HDAC1: variants seen among roughly 807,000 people sequenced by gnomAD.
HDAC1 encodes the protein protein deacetylase HDAC1.
Under a neutral mutation model 65.5 loss-of-function variants are expected in HDAC1, and 18 were observed. The observed-to-expected ratio is 0.27, with a 90% confidence interval of 0.19 to 0.41. HDAC1 has a LOEUF of 0.41. Among genes scored for constraint, HDAC1 ranks in the 10% least tolerant of loss-of-function variants. The pLI is 1.00. For missense variants in HDAC1, 373 were observed against 625.2 expected (o/e 0.60, Z 4.30); for synonymous variants, 211 against 227.9 (o/e 0.93, Z 0.67).
intron 6 of HDAC1, among the ~76,000 whole-genome samples, chr1:32,328,137 C>T (rs988965631): frequency 6.6e-6 from 1 of 152,120 alleles, no homozygotes; most frequent in African/African-American, 2.4e-5. Context: ...TACTGAAGCC[C>T]ATCCATGAAC....
At chr1:32,296,187 T>G (rs147331193) in intron 1 of HDAC1, among the ~76,000 whole-genome samples, 3,282 of 152,218 alleles carry the variant, frequency 0.022, 59 homozygotes, top group Non-Finnish European at 0.03. Context: ...AATAAATATT[T>G]GTTGATTAAA....
At chr1:32,292,563 T>G (rs1437654102) in intron 1 of HDAC1, 5 of 460,620 alleles carry the variant, frequency 1.1e-5, no homozygotes, top group Non-Finnish European at 1.1e-5. Flanking sequence ...ATACATTTTC[T>G]TGCCGAGAAC....
Position 32,292,138 on chromosome 1 carries a change from C to T in HDAC1, c.-32C>T, listed in dbSNP as rs981845074. On this transcript the variant is annotated 5_prime_UTR_variant, in exon 1 of 14. Transcript: ENST00000373548. Reference sequence around the variant, plus strand: ...AGCCGCGGGCGGGAGGGCGGACGGACCGACTGACGGTAGGGACGGGAGGCG... The same window carrying T: ...AGCCGCGGGCGGGAGGGCGGACGGATCGACTGACGGTAGGGACGGGAGGCG... 1 of 1,546,594 alleles carries T rather than the reference C, an allele frequency of 6.5e-7. No homozygotes were observed. Among genetic ancestry groups the T allele is most frequent in the East Asian group, 2.4e-5 (1 of 40,848 alleles).
At chr1:32,296,011 A>C (rs1390009157) in intron 1 of HDAC1, among the ~76,000 whole-genome samples, 1 of 152,174 alleles carries the variant, frequency 6.6e-6, no homozygotes, top group Non-Finnish European at 1.5e-5. Flanking sequence ...AGTGCCCCTC[A>C]TGCTGTGTAC....
intron 3 of HDAC1, 78 bp from the exon 4 acceptor site, chr1:32,324,401 G>C (rs534519524): frequency 1.0e-6 from 1 of 962,428 alleles, no homozygotes; most frequent in East Asian, 2.4e-5. Flanking sequence ...TTTAAATTCT[G>C]TGTTTTTTTC....
chr1:32,304,504 T>C (rs1640886642), intron 2 of HDAC1, among the ~76,000 whole-genome samples: 1 of 152,156 alleles, frequency 6.6e-6, no homozygotes, highest in East Asian at 1.9e-4. Context: ...GCTCAAGTTA[T>C]CTTCCCACAT....
At chr1:32,322,569 A>G (rs1362952483) in intron 3 of HDAC1, among the ~76,000 whole-genome samples, 1 of 152,134 alleles carries the variant, frequency 6.6e-6, no homozygotes, top group Non-Finnish European at 1.5e-5. Flanking sequence ...GCGCCCGGCC[A>G]GTAGTTACCT....
Position 32,330,562 on chromosome 1 carries a change from G to A in HDAC1, c.730-16G>A, listed in dbSNP as rs1435588235. 2 of 1,571,544 alleles carry A rather than the reference G, an allele frequency of 1.3e-6. No homozygotes were observed. The highest frequency in any genetic ancestry group is 2.7e-5 in the African/African-American group (2 of 74,078). On this transcript the variant is annotated splice_polypyrimidine_tract_variant and intron_variant, in intron 7 of 13. Coordinates refer to ENST00000373548, the MANE Select transcript of HDAC1 (RefSeq NM_004964.3). The surrounding 1 kb of genome is among the most constrained non-coding windows in gnomAD (Gnocchi z 4.2). ...GCTTTCTTGAGGTTGGTGGTGACCA[G>A]GATGTATCATTTTAGGTCATGTCCA...
rs1039953272 is a variant in HDAC1, at chr1:32,327,250, G to A, written c.494+173G>A. The A allele has an allele frequency of 8.1e-5, 53 of 656,320 alleles. No individual in the cohort carries two copies. The South Asian group carries it at 9.2e-4, about 11-fold the overall frequency. 40.7% of individuals were successfully genotyped at this position (656,320 alleles called of 1,614,324 possible). ...TTGATGGGGTCTTGGTTTGATCTGA[G>A]CCACGGCATGATCAGGGGCAGATGC... On this transcript the variant is annotated intron_variant, in intron 5 of 13. Coordinates refer to ENST00000373548, the MANE Select transcript of HDAC1 (RefSeq NM_004964.3). The surrounding 1 kb of genome is among the most constrained non-coding windows in gnomAD (Gnocchi z 6.0).
chr1:32,299,623 G>C (rs1640818771), intron 1 of HDAC1, among the ~76,000 whole-genome samples: 1 of 152,122 alleles, frequency 6.6e-6, no homozygotes, highest in Admixed American at 6.6e-5. Flanking sequence ...CTAGAGCTCT[G>C]CCTCATCCTA....
intron 2 of HDAC1, among the ~76,000 whole-genome samples, chr1:32,309,026 G>A (rs1044543972): frequency 2.0e-5 from 3 of 152,020 alleles, no homozygotes; most frequent in Non-Finnish European, 4.4e-5. Context: ...TGCCCAAGCT[G>A]GTCTCAAAGT....
chr1:32,329,674 G>A lies in HDAC1; in HGVS notation c.729+514G>A, dbSNP rs1457588764. 6.1e-6 allele frequency: 1 copy of A among 165,252 alleles called. No homozygotes were observed. Among genetic ancestry groups the A allele is most frequent in the Non-Finnish European group, 1.3e-5 (1 of 75,106 alleles). The allele number at this position is 165,252 out of a possible 1,614,324, so 10.2% of individuals were successfully genotyped here. On this transcript the variant is annotated intron_variant, in intron 7 of 13. Coordinates refer to ENST00000373548, the MANE Select transcript of HDAC1 (RefSeq NM_004964.3). This position sits in a 1 kb window ranked among gnomAD's most constrained non-coding sequence, Gnocchi z 4.1. ...AGATTCTGGAAAGGCTGTGTGGCAT[G>A]TTCCATGGGTAGGCTGGCCTAGTGC... is the stretch of plus-strand genomic sequence containing the variant.
rs1244520333 is a variant in HDAC1, at chr1:32,292,158, G to C, written c.-12G>C. On this transcript the variant is annotated 5_prime_UTR_variant, in exon 1 of 14. Coordinates refer to ENST00000373548, the MANE Select transcript of HDAC1 (RefSeq NM_004964.3). ...ACGGACCGACTGACGGTAGGGACGG[G>C]AGGCGAGCAAGATGGCGCAGACGCA... 9.0e-6 allele frequency: 14 copies of C among 1,548,260 alleles called. No individual in the cohort carries two copies. The East Asian group carries it at 3.4e-4, about 38-fold the overall frequency.
At chr1:32,320,004 C>T (rs911052521) in intron 3 of HDAC1, among the ~76,000 whole-genome samples, 6 of 151,794 alleles carry the variant, frequency 4.0e-5, no homozygotes, top group African/African-American at 1.5e-4. Flanking sequence ...ATCACGAGGT[C>T]AGTACATCGA....
chr1:32,310,483 CAAG>C (rs1248814102), intron 2 of HDAC1, among the ~76,000 whole-genome samples: 10 of 152,138 alleles, frequency 6.6e-5, no homozygotes, highest in African/African-American at 2.4e-4. Flanking sequence ...AAGGCTAAGG[CAAG>C]AAGATCACTT....
At chr1:32,315,837 C>T (rs1272507598) in intron 2 of HDAC1, among the ~76,000 whole-genome samples, 1 of 150,550 alleles carries the variant, frequency 6.6e-6, no homozygotes, top group Admixed American at 6.6e-5. Context: ...TCGTGGTGGG[C>T]GCCTGTAATC....
At chr1:32,316,284 A>C in intron 2 of HDAC1, among the ~76,000 whole-genome samples, 1 of 142,410 alleles carries the variant, frequency 7.0e-6, no homozygotes, top group South Asian at 2.1e-4. Context: ...ACTCCGTCTC[A>C]AAAAAAAAAA....
Position 32,301,168 on chromosome 1 carries a change from C to T in HDAC1, c.50-1453C>T, listed in dbSNP as rs544402797. Reference sequence around the variant, plus strand: ...AAGGCAGATTAAGAAAGTCCTTGGCCGGGCGCGGTGGCTCATGCCTGTAAT... The same window carrying T: ...AAGGCAGATTAAGAAAGTCCTTGGCTGGGCGCGGTGGCTCATGCCTGTAAT... On this transcript the variant is annotated intron_variant, in intron 1 of 13. Transcript: ENST00000373548. 8.9e-4 allele frequency among the ~76,000 whole-genome samples: 135 copies of T among 152,058 alleles called. No homozygotes were observed. The Middle Eastern group carries it at 0.01, about 11-fold the overall frequency.
chr1:32,293,678 C>T (rs1394923568), intron 1 of HDAC1, among the ~76,000 whole-genome samples: 5 of 151,864 alleles, frequency 3.3e-5, no homozygotes, highest in East Asian at 3.9e-4. Context: ...CTGAGGCGGG[C>T]GGATCATGAG....
Sources: allele counts gnomAD v4.1 joint callset (sites outside exome capture counted in the v4.1 genomes callset), GRCh38; gene constraint gnomAD v4.1.1; non-coding constraint Gnocchi (gnomAD v3.1); transcripts MANE v1.5; gene names NCBI Gene and HGNC (gene_info 2026-07-23, HGNC 2026-07-21).